Variants in TMX3 observed in about 807,000 individuals in gnomAD.
TMX3 encodes protein disulfide-isomerase TMX3.
Under a neutral mutation model 64.4 loss-of-function variants are expected in TMX3, and 40 were observed. The ratio of observed to expected loss-of-function variants is 0.62; its 90% CI spans 0.48 to 0.81. The LOEUF is 0.81. Ranked by LOEUF, TMX3 falls within the 30% of genes least tolerant of loss-of-function variation. The pLI, the probability that TMX3 is intolerant of heterozygous loss-of-function variation, is 0.00. For missense variants in TMX3, 497 were observed against 534.5 expected (o/e 0.93, Z 0.69); for synonymous variants, 189 against 175.7 (o/e 1.08, Z -0.60).
At chr18:68,699,677 T>G (rs914725646) in intron 6 of TMX3, among the ~76,000 whole-genome samples, 9 of 152,144 alleles carry the variant, frequency 5.9e-5, no homozygotes, top group African/African-American at 2.2e-4. Context: ...TAACACAGCT[T>G]GAACATTCTC....
rs9960219 is a variant in TMX3 at position 68,709,128 on chromosome 18, A to C, written c.265+893T>G. ...CAAACCTCAAAACCACCAATAAAAG[A>C]AGCATTATAATTAAGTATTTATCAA... On this transcript the variant is annotated intron_variant, in intron 4 of 15. Transcript: ENST00000299608. Among the ~76,000 whole-genome samples, 379 of 152,230 alleles carry C rather than the reference A, an allele frequency of 2.5e-3. 3 individuals are homozygous for C. The highest frequency in any genetic ancestry group is 8.3e-3 in the African/African-American group (346 of 41,564).
intron 4 of TMX3, among the ~76,000 whole-genome samples, chr18:68,704,360 CTAAAA>C (rs1458079571): frequency 1.3e-5 from 2 of 151,554 alleles, no homozygotes; most frequent in Non-Finnish European, 2.9e-5. Flanking sequence ...GATTAAGAAA[CTAAAA>C]TAGGAAGATT....
chr18:68,677,312 C>T (rs1375209207), intron 15 of TMX3, 119 bp from the exon 16 acceptor site: 16 of 1,052,744 alleles, frequency 1.5e-5, no homozygotes, highest in South Asian at 1.5e-4. Flanking sequence ...TTTTTAGTTC[C>T]AATGAATCAA....
chr18:68,707,653 C>T (rs963279911), intron 4 of TMX3, among the ~76,000 whole-genome samples: 5 of 152,116 alleles, frequency 3.3e-5, no homozygotes, highest in Non-Finnish European at 7.4e-5. Flanking sequence ...ATACATGACT[C>T]GATGACTCCA....
chr18:68,696,429 C>A (rs1227246769), intron 8 of TMX3, among the ~76,000 whole-genome samples: 1 of 152,042 alleles, frequency 6.6e-6, no homozygotes, highest in Non-Finnish European at 1.5e-5. Context: ...GCCTCGGCCT[C>A]CCAAAGTGCT....
At chr18:68,711,954 G>A (rs1257349299) in intron 2 of TMX3, among the ~76,000 whole-genome samples, 3 of 152,162 alleles carry the variant, frequency 2.0e-5, no homozygotes, top group African/African-American at 7.2e-5. Flanking sequence ...CCATCAGCTG[G>A]TCAGGCCCAA....
intron 9 of TMX3, among the ~76,000 whole-genome samples, chr18:68,690,850 A>G (rs1199891587): frequency 1.3e-5 from 2 of 152,226 alleles, no homozygotes; most frequent in African/African-American, 4.8e-5. Context: ...TGCGTCAATG[A>G]AGAAATGCTG....
At chr18:68,700,258 T>A in intron 6 of TMX3, 147 bp downstream of exon 6, 1 of 490,022 alleles carries the variant, frequency 2.0e-6, no homozygotes, top group South Asian at 5.1e-5. Context: ...ATACGCTGTA[T>A]AATCCTATCT....
At chr18:68,681,982 G>A (rs561400446) in intron 13 of TMX3, among the ~76,000 whole-genome samples, 8 of 152,266 alleles carry the variant, frequency 5.3e-5, no homozygotes, top group African/African-American at 9.6e-5. Context: ...CTCTTTAGAC[G>A]TTTTCTTAAT....
chr18:68,679,564 A>G, intron 14 of TMX3, 33 bp from the exon 15 acceptor site: 1 of 1,579,200 alleles, frequency 6.3e-7, no homozygotes, highest in Non-Finnish European at 8.7e-7. Context: ...TAAATTATTT[A>G]AGCACCATTA....
At chr18:68,681,143 T>G in intron 13 of TMX3, 33 bp from the exon 14 acceptor site, 2 of 1,500,296 alleles carry the variant, frequency 1.3e-6, no homozygotes, top group Admixed American at 2.1e-5. Flanking sequence ...AAATATACAT[T>G]AAACACAGCA....
chr18:68,701,024 T>G lies in TMX3; in HGVS notation c.312-539A>C, dbSNP rs998382743. ...CTGTGTGCCTAATTAACTAAAATTT[T>G]AAAAAGGAAAAATTGGGAAGCACAA... On this transcript the variant is annotated intron_variant, in intron 5 of 15. Transcript: ENST00000299608. 1.5e-5 allele frequency: 15 copies of G among 984,852 alleles called. 1 individual carries two copies. In the South Asian group the frequency reaches 6.6e-4, roughly 43 times the overall value. 61.0% of individuals were successfully genotyped at this position (984,852 alleles called of 1,614,324 possible).
At chr18:68,703,083 T>C (rs905412252) in intron 4 of TMX3, among the ~76,000 whole-genome samples, 2 of 152,220 alleles carry the variant, frequency 1.3e-5, no homozygotes, top group African/African-American at 4.8e-5. Flanking sequence ...GACTTCATTC[T>C]GTCAAGTATG....
intron 9 of TMX3, among the ~76,000 whole-genome samples, chr18:68,689,223 C>T (rs1016877139): frequency 6.6e-6 from 1 of 152,124 alleles, no homozygotes; most frequent in Non-Finnish European, 1.5e-5. Context: ...GAAATGGGGC[C>T]TTTACAATAC....
chr18:68,679,963 T>C (rs1479108661), intron 14 of TMX3, among the ~76,000 whole-genome samples: 1 of 152,130 alleles, frequency 6.6e-6, no homozygotes, highest in African/African-American at 2.4e-5. Context: ...ACTCAAATCC[T>C]ATATTCGGCC....
chr18:68,701,541 T>C (rs2030063605), intron 5 of TMX3: 1 of 1,226,370 alleles, frequency 8.2e-7, no homozygotes, highest in Non-Finnish European at 1.1e-6. Flanking sequence ...AACACGTGAA[T>C]TAGCCATAAA....
chr18:68,706,486 C>T (rs2030682361), intron 4 of TMX3: 1 of 150,884 alleles, frequency 6.6e-6, no homozygotes, highest in Non-Finnish European at 1.5e-5. Flanking sequence ...CTCTCAAGAC[C>T]CAATTGCAAA....
Position 68,697,223 on chromosome 18 carries a change from T to G in TMX3, c.570+3A>C, listed in dbSNP as rs1333699956. 6.7e-7 allele frequency: 1 copy of G among 1,503,054 alleles called. No individual in the cohort carries two copies. The highest frequency in any genetic ancestry group is 9.1e-7 in the Non-Finnish European group (1 of 1,104,772). 93.1% of individuals were successfully genotyped at this position (1,503,054 alleles called of 1,614,324 possible). On this transcript the variant is annotated splice_donor_region_variant and intron_variant, in intron 8 of 15. Coordinates refer to ENST00000299608, the MANE Select transcript of TMX3 (RefSeq NM_019022.5). Reference sequence around the variant, plus strand: ...GTCGTTAAAATCAAATTTTAAATATTACCTCAGGAACCACTTCTTCTGAGG... The same window carrying G: ...GTCGTTAAAATCAAATTTTAAATATGACCTCAGGAACCACTTCTTCTGAGG...
At position 68,714,957 on chromosome 18, in the gene TMX3, C is replaced by T. The variant is rs865988166; in HGVS notation, c.25G>A (p.Ala9Thr). 10 of 1,572,730 alleles carry T rather than the reference C, an allele frequency of 6.4e-6. No individual in the cohort carries two copies. Among genetic ancestry groups the T allele is most frequent in the South Asian group, 1.2e-5 (1 of 85,462 alleles). Residue 9 changes from alanine to threonine, a missense_variant, in exon 1 of 16, where the codon GCC becomes ACC. Coordinates refer to ENST00000299608, the MANE Select transcript of TMX3 (RefSeq NM_019022.5). MAAWKSWT[A>T]LRLCATVVVL... ...TTACCTGTGGCGCAGAGCCGCAGGG[C>T]CGTCCAACTCTTCCACGCTGCCATG...
Sources: gnomAD v4.1 joint callset for allele counts (sites outside exome capture counted in the v4.1 genomes callset) on GRCh38, gnomAD v4.1.1 for gene constraint, MANE v1.5 for transcripts, NCBI Gene and HGNC (gene_info 2026-07-23, HGNC 2026-07-21) for gene names.